Variants in FAN1 observed in about 807,000 individuals in gnomAD.
The protein encoded by FAN1 is FANCD2 and FANCI associated nuclease 1.
In FAN1, 91 loss-of-function variants were observed where a neutral mutation model predicts 104.9. The observed-to-expected ratio is 0.87, with a 90% CI of 0.73 to 1.03. FAN1 has a LOEUF of 1.03. FAN1 is among the 50% of genes least tolerant of loss of function. FAN1 has a pLI of 0.00. For synonymous variants in FAN1, 478 were observed against 457.6 expected (o/e 1.04, Z -0.57); for missense variants, 1,263 against 1,239.9 (o/e 1.02, Z -0.28).
chr15:30,926,911 A>G, intron 10 of FAN1: 7 of 985,440 alleles, frequency 7.1e-6, no homozygotes, highest in Non-Finnish European at 8.4e-6. Context: ...TGCCACAGGG[A>G]ATTTTGTGTC....
chr15:30,911,042 G>T, intron 4 of FAN1: 3 of 1,261,132 alleles, frequency 2.4e-6, no homozygotes, highest in Non-Finnish European at 3.0e-6. Context: ...AAAATCGGAA[G>T]GCAATAGGCC....
chr15:30,907,140 G>C (rs1012519555), intron 2 of FAN1, among the ~76,000 whole-genome samples: 28 of 151,848 alleles, frequency 1.8e-4, no homozygotes, highest in African/African-American at 6.1e-4. Context: ...GAGTGCAGTG[G>C]TGTAATCATA....
At chr15:30,917,274 C>T (rs1217130840) in intron 5 of FAN1, among the ~76,000 whole-genome samples, 1 of 152,098 alleles carries the variant, frequency 6.6e-6, no homozygotes, top group Non-Finnish European at 1.5e-5. Context: ...GGGTGCTCTT[C>T]AGCCGTTTGG....
intron 13 of FAN1, 60 bp from the exon 14 acceptor site, chr15:30,937,059 C>T (rs1261463644): frequency 2.1e-6 from 3 of 1,440,578 alleles, no homozygotes; most frequent in Non-Finnish European, 2.9e-6. Context: ...CTACAACTTA[C>T]TTGAATGGCT....
Position 30,904,721 on chromosome 15 carries a change from A to G in FAN1, c.58A>G (p.Ser20Gly), listed in dbSNP as rs753170032. ...AAGGCCTCGTAGAAGCTTATCAATC[A>G]GCAAGAATAAGAAAAAAGCATCTAA... ...KKRPRRSLSI[S>G]KNKKKASNSI... Residue 20 changes from serine (S) to glycine (G), a missense_variant, in exon 2 of 15, where the codon AGC becomes GGC. By Grantham distance (56) the Ser-to-Gly change is moderately conservative. Around this residue, in one of 2 missense-constraint regions of FAN1, gnomAD observed 682 missense variants for 571.1 expected, o/e 1.19. Transcript: ENST00000362065. The G allele has an allele frequency of 5.0e-6, 8 of 1,609,896 alleles. No individual in the cohort carries two copies. The highest frequency in any genetic ancestry group is 5.9e-6 in the Non-Finnish European group (7 of 1,177,296).
chr15:30,939,665 C>T (rs201382319), intron 14 of FAN1: 24 of 428,078 alleles, frequency 5.6e-5, no homozygotes, highest in African/African-American at 8.8e-5. Flanking sequence ...TTAAAATAAA[C>T]GTGAAGGAAG....
Position 30,913,913 on chromosome 15 carries a change from T to A in FAN1, c.1633T>A (p.Phe545Ile). 1 of 1,614,144 alleles carries A rather than the reference T, an allele frequency of 6.2e-7. No homozygotes were observed. The highest frequency in any genetic ancestry group is 1.1e-5 in the South Asian group (1 of 91,082). ...VRICKGPRAVFSRILLLFSLT... is the reference protein window; with the variant it reads ...VRICKGPRAVISRILLLFSLT... ...AATCTGTAAAGGCCCCAGGGCTGTGTTTTCCCGCATCTTGCTACTGTTTTC... is the reference window on the plus strand; with the variant it reads ...AATCTGTAAAGGCCCCAGGGCTGTGATTTCCCGCATCTTGCTACTGTTTTC... Residue 545 changes from phenylalanine to isoleucine, a missense_variant, in exon 5 of 15, where the codon TTT (phenylalanine) becomes ATT (isoleucine). Phe to Ile is a conservative substitution (Grantham distance 21). This residue lies in a region of FAN1 where 581 missense variants were observed against 668.8 expected (regional missense o/e 0.87). Transcript: ENST00000362065.
intron 10 of FAN1, chr15:30,926,859 C>A: frequency 1.0e-6 from 1 of 985,412 alleles, no homozygotes; most frequent in Non-Finnish European, 1.2e-6. Context: ...TGATTAAAAT[C>A]GATGCCGTGA....
intron 13 of FAN1, among the ~76,000 whole-genome samples, chr15:30,934,408 CATTTA>C (rs951754511): frequency 1.3e-5 from 2 of 152,188 alleles, no homozygotes; most frequent in Admixed American, 6.5e-5. Flanking sequence ...GGAACATTTA[CATTTA>C]ATTTGATTAT....
intron 7 of FAN1, among the ~76,000 whole-genome samples, chr15:30,921,795 G>T (rs1172801418): frequency 6.6e-6 from 1 of 152,180 alleles, no homozygotes; most frequent in African/African-American, 2.4e-5. Context: ...TTGAGGTAGG[G>T]TGTTTGTATG....
chr15:30,938,217 G>C (rs544408096), intron 14 of FAN1, among the ~76,000 whole-genome samples: 6 of 152,076 alleles, frequency 3.9e-5, no homozygotes, highest in Admixed American at 2.0e-4. Context: ...AGCATAACCA[G>C]TGTTTCCTTC....
At chr15:30,927,896 C>A in intron 10 of FAN1, 1 of 985,772 alleles carries the variant, frequency 1.0e-6, no homozygotes, top group Non-Finnish European at 1.2e-6. Flanking sequence ...CACCTGACTT[C>A]TGTCTCTCAG....
chr15:30,928,459 T>C, intron 10 of FAN1, 94 bp from the exon 11 acceptor site: 1 of 1,548,578 alleles, frequency 6.5e-7, no homozygotes, highest in South Asian at 1.2e-5. Context: ...AAATTGAGTG[T>C]GCAGTAGGTT....
chr15:30,933,022 G>A (rs2062756636), intron 13 of FAN1, among the ~76,000 whole-genome samples: 1 of 151,866 alleles, frequency 6.6e-6, no homozygotes, highest in South Asian at 2.1e-4. Flanking sequence ...ACACGGCCAT[G>A]TATTTCTTAC....
At chr15:30,911,281 T>C (rs1457031565) in intron 4 of FAN1, 3 of 986,954 alleles carry the variant, frequency 3.0e-6, no homozygotes, top group African/African-American at 1.7e-5. Context: ...CCTGTTTCAG[T>C]TGAAAATTAC....
Position 30,932,190 on chromosome 15 carries a change from C to G in FAN1, c.2916+1519C>G, listed in dbSNP as rs1460268834. ...TGAGCCGAGATTGCGCCACTGCACT[C>G]CAGCCTGGGCAACAGAGCGAGACTC... On this transcript the variant is annotated intron_variant, in intron 13 of 14. Coordinates refer to ENST00000362065, the MANE Select transcript of FAN1 (RefSeq NM_014967.5). 2.1e-5 allele frequency among the ~76,000 whole-genome samples: 3 copies of G among 141,952 alleles called. No homozygotes were observed. In the East Asian group the frequency reaches 6.2e-4, roughly 29 times the overall value. The allele number at this position is 141,952 out of a possible 152,430, so 93.1% of individuals were successfully genotyped here. A position where few individuals can be genotyped will look rare whatever the true frequency, so the allele number is the denominator to read the frequency against.
chr15:30,919,111 T>G (rs562138994), intron 6 of FAN1, among the ~76,000 whole-genome samples: 2 of 152,324 alleles, frequency 1.3e-5, no homozygotes, highest in East Asian at 3.9e-4. Flanking sequence ...GCTGGTACGG[T>G]GGCTCACGCC....
In FAN1 at chr15:30,918,313, T is replaced by A; in HGVS notation, c.1943+18T>A. On this transcript the variant is annotated intron_variant, in intron 6 of 14. Coordinates refer to ENST00000362065, the MANE Select transcript of FAN1 (RefSeq NM_014967.5). ...TCTCTGAGGTGAGAGTTTTTCTAGG[T>A]ACCTGCCAAAATTTATACATTGACC... 1 of 1,613,440 alleles carries A rather than the reference T, an allele frequency of 6.2e-7. No individual in the cohort carries two copies. The highest frequency in any genetic ancestry group is 8.5e-7 in the Non-Finnish European group (1 of 1,179,676).
Position 30,943,024 on chromosome 15 carries a change from T to C in FAN1, c.*1462T>C. On this transcript the variant is annotated 3_prime_UTR_variant, in exon 15 of 15. Coordinates refer to ENST00000362065, the MANE Select transcript of FAN1 (RefSeq NM_014967.5). ...GACCAGTCCCAAACAGAGGGGAATT[T>C]TAAGCCCTTCTCATCACCCAATTGG... is the stretch of plus-strand genomic sequence containing the variant. 6.4e-7 allele frequency: 1 copy of C among 1,550,732 alleles called. No homozygotes were observed. The highest frequency in any genetic ancestry group is 8.7e-7 in the Non-Finnish European group (1 of 1,146,792).
Sources: gnomAD v4.1 joint callset for allele counts (sites outside exome capture counted in the v4.1 genomes callset) on GRCh38, gnomAD v4.1.1 for gene constraint, gnomAD v4.1.1 regional missense constraint, MANE v1.5 for transcripts, NCBI Gene and HGNC (gene_info 2026-07-23, HGNC 2026-07-21) for gene names.